MYO5B: variants seen among roughly 807,000 people sequenced by gnomAD.
MYO5B encodes unconventional myosin-Vb.
A neutral mutation model predicts 229.3 loss-of-function variants in MYO5B; 143 were observed. That is an observed-to-expected ratio of 0.62 (90% confidence interval 0.54 to 0.72). The LOEUF is 0.72. MYO5B is among the 30% of genes least tolerant of loss of function. The probability of loss-of-function intolerance (pLI) is 0.00; values close to 1 mark genes in which losing one functional copy is unlikely to be tolerated. For synonymous variants in MYO5B, 918 were observed against 885.2 expected, an observed-to-expected ratio of 1.04 and a Z score of -0.66; for missense variants, 2,321 against 2,331.0, an observed-to-expected ratio of 1.00 and a Z score of 0.09.
At chr18:49,935,682 G>A (rs934272675) in intron 16 of MYO5B, among the ~76,000 whole-genome samples, 4 of 152,240 alleles carry the variant, frequency 2.6e-5, no homozygotes, top group African/African-American at 9.6e-5. Flanking sequence ...CTACAGATTA[G>A]GGTGAGGTCA....
rs1465181014 is a variant in MYO5B at position 49,824,628 on chromosome 18, A to G, written c.*1843T>C. ...TACATAAGAGACTCACTTTCAAACT[A>G]AAGTGCATTAAAAAACAAATTATCC... On this transcript the variant is annotated 3_prime_UTR_variant, in exon 40 of 40. Transcript: ENST00000285039. 1.3e-5 allele frequency: 2 copies of G among 152,242 alleles called. No homozygotes were observed. Among genetic ancestry groups the G allele is most frequent in the Non-Finnish European group, 2.9e-5 (2 of 68,050 alleles). The allele number at this position is 152,242 out of a possible 1,614,324, so 9.4% of individuals were successfully genotyped here. A position where few individuals can be genotyped will look rare whatever the true frequency, so the allele number is the denominator to read the frequency against.
At chr18:50,102,250 G>A (rs1382363341) in intron 1 of MYO5B, among the ~76,000 whole-genome samples, 2 of 152,082 alleles carry the variant, frequency 1.3e-5, no homozygotes, top group African/African-American at 2.4e-5. Flanking sequence ...GAACTGTTGT[G>A]GGGCGAGGGG....
chr18:49,886,601 AT>A (rs1365598792), intron 22 of MYO5B, among the ~76,000 whole-genome samples: 6 of 151,246 alleles, frequency 4.0e-5, no homozygotes, highest in Non-Finnish European at 8.8e-5. Flanking sequence ...CATCAAACTA[AT>A]TATACCAAGT....
chr18:50,045,915 A>G (rs1427516809), intron 2 of MYO5B, among the ~76,000 whole-genome samples: 1 of 152,226 alleles, frequency 6.6e-6, no homozygotes, highest in African/African-American at 2.4e-5. Context: ...TGATTCACTG[A>G]TAACTTCTCC....
intron 9 of MYO5B, among the ~76,000 whole-genome samples, chr18:49,979,981 C>T (rs1286499560): frequency 6.6e-6 from 1 of 152,244 alleles, no homozygotes; most frequent in Non-Finnish European, 1.5e-5. Context: ...ACATGTGTGT[C>T]TCACTTAACA....
At chr18:50,099,577 C>G (rs1431195269) in intron 1 of MYO5B, among the ~76,000 whole-genome samples, 2 of 152,184 alleles carry the variant, frequency 1.3e-5, no homozygotes, top group South Asian at 4.1e-4. Flanking sequence ...CTACTACCAA[C>G]AGGCCACCAC....
intron 39 of MYO5B, among the ~76,000 whole-genome samples, chr18:49,832,118 G>C (rs888502306): frequency 6.6e-6 from 1 of 152,118 alleles, no homozygotes; most frequent in Non-Finnish European, 1.5e-5. Flanking sequence ...AAAGAATTTT[G>C]GAAATAGTGG....
At chr18:49,888,655 A>T (rs1190947237) in intron 22 of MYO5B, among the ~76,000 whole-genome samples, 3 of 152,154 alleles carry the variant, frequency 2.0e-5, no homozygotes, top group Middle Eastern at 3.2e-3. Context: ...TGTCCTCAGG[A>T]AACACTGAAC....
intron 21 of MYO5B, among the ~76,000 whole-genome samples, chr18:49,899,131 C>T (rs1013628559): frequency 1.3e-5 from 2 of 152,182 alleles, no homozygotes; most frequent in African/African-American, 4.8e-5. Flanking sequence ...CTATGCTGTT[C>T]TCACAAATAC....
intron 1 of MYO5B, among the ~76,000 whole-genome samples, chr18:50,133,534 T>C (rs1377563715): frequency 6.6e-6 from 1 of 152,186 alleles, no homozygotes; most frequent in Non-Finnish European, 1.5e-5. Flanking sequence ...GGAAGTTGAC[T>C]CAAGAACCAA....
intron 4 of MYO5B, among the ~76,000 whole-genome samples, chr18:50,006,869 G>C (rs1202337885): frequency 1.3e-5 from 2 of 152,152 alleles, no homozygotes. Flanking sequence ...GTGTTATCTT[G>C]TTTGGGTTTC....
In MYO5B at chr18:49,822,946, G is replaced by C. The variant is rs992065300; in HGVS notation, c.*3525C>G. 1 of 152,166 alleles carries C rather than the reference G, an allele frequency of 6.6e-6. No homozygotes were observed. The highest frequency in any genetic ancestry group is 2.4e-5 in the African/African-American group (1 of 41,440). The allele number at this position is 152,166 out of a possible 1,614,324, so 9.4% of individuals were successfully genotyped here. ...AAGTGGGAAAATATTTTCATCAGTA[G>C]TCTTTCTTCCATGGTGTTGGATTCA... is the stretch of plus-strand genomic sequence containing the variant. On this transcript the variant is annotated 3_prime_UTR_variant, in exon 40 of 40. Transcript: ENST00000285039.
In MYO5B at chr18:50,142,915, C is replaced by T. The variant is rs1032634098; in HGVS notation, c.27+51852G>A. Among the ~76,000 whole-genome samples the T allele has an allele frequency of 5.3e-5, 8 of 152,234 alleles. No individual in the cohort carries two copies. In the East Asian group the frequency reaches 5.8e-4, roughly 11 times the overall value. The stretch of plus-strand genomic sequence containing the variant: ...GTGAAGATGAGTGCCAGCAGACATA[C>T]GATAGGAAAACACCTAAGAATGGAA... On this transcript the variant is annotated intron_variant, in intron 1 of 39. Coordinates refer to ENST00000285039, the MANE Select transcript of MYO5B (RefSeq NM_001080467.3).
At chr18:49,986,941 G>T (rs1180768064) in intron 7 of MYO5B, among the ~76,000 whole-genome samples, 1 of 152,152 alleles carries the variant, frequency 6.6e-6, no homozygotes, top group Non-Finnish European at 1.5e-5. Context: ...GGCATCTCAT[G>T]ATTTTGCCAC....
rs183991942 is a variant in MYO5B, at chr18:49,963,045, G to T, written c.1323-15C>A. 252 of 1,604,548 alleles carry T rather than the reference G, an allele frequency of 1.6e-4. No individual in the cohort carries two copies. In the African/African-American group the frequency reaches 2.9e-3, roughly 18 times the overall value. On this transcript the variant is annotated splice_polypyrimidine_tract_variant and intron_variant, in intron 10 of 39. Coordinates refer to ENST00000285039, the MANE Select transcript of MYO5B (RefSeq NM_001080467.3). ...ATGTCTCAAACCTACAGAATGGAAA[G>T]AGAAGATAAGAGACGTCTCCTTTCA...
chr18:50,019,604 T>C (rs914089312), intron 4 of MYO5B, among the ~76,000 whole-genome samples: 2 of 152,208 alleles, frequency 1.3e-5, no homozygotes, highest in Admixed American at 1.3e-4. Flanking sequence ...ATGAGGAGGT[T>C]AGGATTCAAG....
chr18:50,046,029 C>A (rs2030215415), intron 2 of MYO5B, among the ~76,000 whole-genome samples: 1 of 152,168 alleles, frequency 6.6e-6, no homozygotes, highest in African/African-American at 2.4e-5. Flanking sequence ...TAATAATAAT[C>A]ATACAGTGGA....
At chr18:50,186,600 G>A (rs1215180612) in intron 1 of MYO5B, among the ~76,000 whole-genome samples, 1 of 152,144 alleles carries the variant, frequency 6.6e-6, no homozygotes, top group African/African-American at 2.4e-5. Flanking sequence ...GGACAGCAGG[G>A]AAGGGTTAGG....
intron 1 of MYO5B, among the ~76,000 whole-genome samples, chr18:50,113,414 GATAACTACATTTCAC>G (rs1371333944): frequency 1.3e-5 from 2 of 152,206 alleles, no homozygotes; most frequent in Non-Finnish European, 2.9e-5. Context: ...TTTGGAGGCA[GATAACTACATTTCAC>G]ATTTGTGTTA....
Sources: allele counts gnomAD v4.1 joint callset (sites outside exome capture counted in the v4.1 genomes callset), GRCh38; gene constraint gnomAD v4.1.1; transcripts MANE v1.5; gene names NCBI Gene and HGNC (gene_info 2026-07-23, HGNC 2026-07-21).